The following FHIT variants were observed in gnomAD, a reference collection of about 807,000 sequenced individuals.
The protein encoded by FHIT is fragile histidine triad diadenosine triphosphatase.
A neutral mutation model predicts 17.9 loss-of-function variants in FHIT; 19 were observed. The ratio of observed to expected loss-of-function variants is 1.06; its 90% CI spans 0.74 to 1.56. FHIT has a LOEUF of 1.56. Ranked by LOEUF, FHIT falls within the 40% of genes most tolerant of loss-of-function variation. The probability of loss-of-function intolerance (pLI) is 0.00; values close to 1 mark genes in which losing one functional copy is unlikely to be tolerated. For synonymous variants in FHIT, 81 were observed against 69.7 expected (o/e 1.16, Z -0.81); for missense variants, 248 against 189.2 (o/e 1.31, Z -1.82).
chr3:60,831,470 A>G (rs1702323094), intron 3 of FHIT, among the ~76,000 whole-genome samples: 1 of 152,206 alleles, frequency 6.6e-6, no homozygotes, highest in African/African-American at 2.4e-5. Flanking sequence ...CCCTGACTTT[A>G]GAAATGTAGA....
intron 4 of FHIT, among the ~76,000 whole-genome samples, chr3:60,621,339 A>G (rs1339485225): frequency 1.3e-5 from 2 of 151,768 alleles, no homozygotes; most frequent in Non-Finnish European, 2.9e-5. Context: ...TAGTAGAGAC[A>G]GGGTTTACAT....
intron 2 of FHIT, among the ~76,000 whole-genome samples, chr3:61,067,041 T>G (rs1194152217): frequency 6.6e-6 from 1 of 152,190 alleles, no homozygotes; most frequent in East Asian, 1.9e-4. Flanking sequence ...CTTTTGGTTT[T>G]GAGTAAGGCC....
intron 5 of FHIT, among the ~76,000 whole-genome samples, chr3:60,326,604 T>TG (rs1392893043): frequency 6.6e-6 from 1 of 152,216 alleles, no homozygotes; most frequent in Non-Finnish European, 1.5e-5. Flanking sequence ...ACGCAGGGGC[T>TG]GGGGACCCCT....
chr3:60,813,571 A>G (rs546683479), intron 4 of FHIT, among the ~76,000 whole-genome samples: 69 of 152,164 alleles, frequency 4.5e-4, no homozygotes, highest in Non-Finnish European at 8.8e-4. Flanking sequence ...AAACATTACA[A>G]TAAAAAACTT....
At chr3:60,442,349 T>A (rs1247423383) in intron 5 of FHIT, among the ~76,000 whole-genome samples, 1 of 152,142 alleles carries the variant, frequency 6.6e-6, no homozygotes, top group South Asian at 2.1e-4. Context: ...ACTCCCCCCA[T>A]GCCTATGTCC....
chr3:60,090,114 C>A (rs1207945695), intron 5 of FHIT, among the ~76,000 whole-genome samples: 3 of 152,116 alleles, frequency 2.0e-5, no homozygotes, highest in Admixed American at 6.5e-5. Context: ...AAATGGGAAT[C>A]TGATCATCTC....
At chr3:60,292,982 T>C (rs1261382882) in intron 5 of FHIT, among the ~76,000 whole-genome samples, 1 of 152,156 alleles carries the variant, frequency 6.6e-6, no homozygotes, top group African/African-American at 2.4e-5. Context: ...ATTAAAACAT[T>C]CTCCATAGCA....
intron 2 of FHIT, among the ~76,000 whole-genome samples, chr3:61,117,584 T>A (rs2036335846): frequency 6.6e-6 from 1 of 152,168 alleles, no homozygotes; most frequent in Non-Finnish European, 1.5e-5. Flanking sequence ...ATTAAATGCA[T>A]CACCACTAAA....
intron 5 of FHIT, among the ~76,000 whole-genome samples, chr3:60,015,549 C>T (rs1038074579): frequency 6.6e-6 from 1 of 152,122 alleles, no homozygotes; most frequent in Admixed American, 6.6e-5. Context: ...GATTGCCAGC[C>T]TCCACTCCCA....
intron 2 of FHIT, among the ~76,000 whole-genome samples, chr3:61,075,093 T>A (rs973061483): frequency 6.6e-6 from 1 of 152,140 alleles, no homozygotes; most frequent in African/African-American, 2.4e-5. Flanking sequence ...AAAGCAGGTT[T>A]CAATGTTCTA....
chr3:60,575,101 A>G (rs2037521595), intron 4 of FHIT, among the ~76,000 whole-genome samples: 1 of 152,180 alleles, frequency 6.6e-6, no homozygotes, highest in African/African-American at 2.4e-5. Context: ...CTGGCAGGTA[A>G]GACAAGGCAT....
At chr3:60,541,818 A>G (rs1487166883) in intron 4 of FHIT, among the ~76,000 whole-genome samples, 1 of 152,232 alleles carries the variant, frequency 6.6e-6, no homozygotes, top group Non-Finnish European at 1.5e-5. Context: ...TAACATTGCC[A>G]GAAGAAGTCA....
rs373757486 is a variant in FHIT, at chr3:60,461,171, A to G, written c.103+75689T>C. On this transcript the variant is annotated intron_variant, in intron 5 of 9. Coordinates refer to ENST00000492590, the MANE Select transcript of FHIT (RefSeq NM_002012.4). ...TTTAATCTAATTCTGTAAGTGCCAA[A>G]AACTCTGATTATTTTATCAAGTTAT... Among the ~76,000 whole-genome samples the G allele has an allele frequency of 1.6e-4, 25 of 152,318 alleles. No individual in the cohort carries two copies. In the South Asian group the frequency reaches 4.8e-3, roughly 29 times the overall value.
chr3:60,168,089 T>C (rs906441652), intron 5 of FHIT, among the ~76,000 whole-genome samples: 3 of 152,192 alleles, frequency 2.0e-5, no homozygotes, highest in African/African-American at 7.2e-5. Flanking sequence ...GTTGCTATAG[T>C]TAACTATGAA....
intron 5 of FHIT, among the ~76,000 whole-genome samples, chr3:60,350,937 A>C (rs1292370172): frequency 2.0e-5 from 3 of 152,202 alleles, no homozygotes; most frequent in African/African-American, 7.2e-5. Flanking sequence ...TTGAAGAAGC[A>C]AACTGTCATG....
chr3:60,794,670 T>C (rs1553729666), intron 4 of FHIT, among the ~76,000 whole-genome samples: 1 of 152,214 alleles, frequency 6.6e-6, no homozygotes, highest in East Asian at 1.9e-4. Flanking sequence ...AGGACCTCTT[T>C]TGATGGGGCT....
intron 5 of FHIT, among the ~76,000 whole-genome samples, chr3:60,035,584 C>A (rs1559568559): frequency 6.6e-6 from 1 of 152,136 alleles, no homozygotes; most frequent in African/African-American, 2.4e-5. Context: ...ATAAGTTTTG[C>A]AAACTTTCAG....
chr3:60,219,521 G>C (rs530892239), intron 5 of FHIT, among the ~76,000 whole-genome samples: 1 of 152,156 alleles, frequency 6.6e-6, no homozygotes, highest in South Asian at 2.1e-4. Context: ...ACTTATTATT[G>C]AGTAACGAAC....
chr3:60,798,817 G>A (rs1553731304), intron 4 of FHIT, among the ~76,000 whole-genome samples: 2 of 147,230 alleles, frequency 1.4e-5, no homozygotes, highest in Non-Finnish European at 3.0e-5. Flanking sequence ...GAGTGCAGTG[G>A]CATGTTCTTG....
Sources: gnomAD v4.1 joint callset for allele counts (sites outside exome capture counted in the v4.1 genomes callset) on GRCh38, gnomAD v4.1.1 for gene constraint, MANE v1.5 for transcripts, NCBI Gene and HGNC (gene_info 2026-07-23, HGNC 2026-07-21) for gene names.